LEKR1: variants seen among roughly 807,000 people sequenced by gnomAD.
LEKR1 encodes leucine, glutamate and lysine rich 1, also known as protein LEKR1.
LEKR1 carries 59 observed loss-of-function variants against 72.4 expected under a neutral mutation model. The observed-to-expected ratio is 0.82, with a 90% CI of 0.66 to 1.01. The LOEUF (loss-of-function observed/expected upper bound fraction) is 1.01. Among genes scored for constraint, LEKR1 ranks in the 50% least tolerant of loss-of-function variants. The probability of loss-of-function intolerance (pLI) is 0.00; values close to 1 mark genes in which losing one functional copy is unlikely to be tolerated. For synonymous variants in LEKR1, 257 were observed against 263.2 expected, an observed-to-expected ratio of 0.98 and a Z score of 0.23; for missense variants, 728 against 759.2, an observed-to-expected ratio of 0.96 and a Z score of 0.48.
intron 6 of LEKR1, among the ~76,000 whole-genome samples, chr3:156,972,308 A>C (rs1000833365): frequency 1.3e-5 from 2 of 151,030 alleles, no homozygotes; most frequent in African/African-American, 4.9e-5. Flanking sequence ...ACATGGACAC[A>C]GGAAGGGGAA....
chr3:156,948,207 AG>A (rs1284694570), intron 6 of LEKR1, among the ~76,000 whole-genome samples: 1 of 151,218 alleles, frequency 6.6e-6, no homozygotes, highest in Non-Finnish European at 1.5e-5. Flanking sequence ...AAGATGTAAT[AG>A]TTTTACTTAA....
chr3:157,018,191 T>G (rs938074307), intron 10 of LEKR1, among the ~76,000 whole-genome samples: 4 of 152,162 alleles, frequency 2.6e-5, no homozygotes, highest in African/African-American at 9.7e-5. Flanking sequence ...GTAAATTCAC[T>G]AGTTAGAGCC....
rs192551133 is a variant in LEKR1, at chr3:156,851,351, G to C, written c.49-1417G>C. 2.5e-3 allele frequency among the ~76,000 whole-genome samples: 385 copies of C among 152,274 alleles called. 3 individuals carry two copies. Among genetic ancestry groups the C allele is most frequent in the African/African-American group, 8.8e-3 (367 of 41,552 alleles). On this transcript the variant is annotated intron_variant, in intron 2 of 12. Coordinates refer to ENST00000356539, the MANE Select transcript of LEKR1 (RefSeq NM_001004316.3). ...GCACACTTCAGGGAGGCGGATTTGTGATGAGCCTAAGAAAGGATTTCCTGA... is the reference window on the plus strand; with the variant it reads ...GCACACTTCAGGGAGGCGGATTTGTCATGAGCCTAAGAAAGGATTTCCTGA...
intron 3 of LEKR1, among the ~76,000 whole-genome samples, chr3:156,874,006 A>C (rs1718275838): frequency 6.6e-6 from 1 of 152,058 alleles, no homozygotes; most frequent in Admixed American, 6.6e-5. Flanking sequence ...CTATTTGGAG[A>C]TCTTTGAGCC....
intron 10 of LEKR1, among the ~76,000 whole-genome samples, chr3:157,015,680 G>A (rs1399898545): frequency 1.3e-5 from 2 of 152,092 alleles, no homozygotes; most frequent in Admixed American, 1.3e-4. Flanking sequence ...GTGAAAAATT[G>A]CCATCCTTGG....
chr3:156,869,548 T>G (rs1209463550), intron 3 of LEKR1, among the ~76,000 whole-genome samples: 1 of 152,066 alleles, frequency 6.6e-6, no homozygotes, highest in African/African-American at 2.4e-5. Context: ...AATTGAATTA[T>G]TTGGTTTTTT....
At chr3:156,873,765 A>G (rs2321290) in intron 3 of LEKR1, among the ~76,000 whole-genome samples, 77,075 of 151,768 alleles carry the variant, frequency 0.51, 21,245 homozygotes, top group East Asian at 0.73. Flanking sequence ...ATTACTAGAT[A>G]CAGTATCCTT....
chr3:156,971,906 G>A (rs1477549405), intron 6 of LEKR1, among the ~76,000 whole-genome samples: 2 of 152,194 alleles, frequency 1.3e-5, no homozygotes, highest in African/African-American at 2.4e-5. Flanking sequence ...GTGTAAACTA[G>A]TTCAACCATT....
At chr3:156,966,820 A>G (rs1366519252) in intron 6 of LEKR1, among the ~76,000 whole-genome samples, 2 of 152,210 alleles carry the variant, frequency 1.3e-5, no homozygotes, top group Non-Finnish European at 2.9e-5. Flanking sequence ...GAGAATGGAC[A>G]GACTGCCTCC....
chr3:156,899,816 GTA>G (rs1408159288), intron 3 of LEKR1, among the ~76,000 whole-genome samples: 4 of 147,596 alleles, frequency 2.7e-5, no homozygotes, highest in Non-Finnish European at 4.5e-5. Flanking sequence ...ACATATGTAC[GTA>G]TATATGTATA....
chr3:156,896,719 T>G (rs1721223578), intron 3 of LEKR1, among the ~76,000 whole-genome samples: 1 of 152,218 alleles, frequency 6.6e-6, no homozygotes, highest in South Asian at 2.1e-4. Context: ...TATAAATCGT[T>G]CTACCATTTA....
chr3:156,997,473 A>G (rs943467116), intron 9 of LEKR1, among the ~76,000 whole-genome samples: 1 of 152,224 alleles, frequency 6.6e-6, no homozygotes, highest in Non-Finnish European at 1.5e-5. Flanking sequence ...ATAATACCCT[A>G]GGAGATTCTG....
chr3:156,891,684 G>A (rs1049237426), intron 3 of LEKR1, among the ~76,000 whole-genome samples: 9 of 151,990 alleles, frequency 5.9e-5, no homozygotes, highest in African/African-American at 2.2e-4. Flanking sequence ...CCATCCTTTG[G>A]CTAGGACAGG....
chr3:156,974,563 C>T (rs916362704), intron 6 of LEKR1, among the ~76,000 whole-genome samples: 3 of 152,056 alleles, frequency 2.0e-5, no homozygotes, highest in Non-Finnish European at 4.4e-5. Context: ...ATTGCTGTTT[C>T]AAACATTATC....
At chr3:157,029,498 A>G (rs1162060963) in intron 12 of LEKR1, among the ~76,000 whole-genome samples, 1 of 152,186 alleles carries the variant, frequency 6.6e-6, no homozygotes, top group African/African-American at 2.4e-5. Flanking sequence ...CTCTTTTGGG[A>G]AACCCAGTTC....
intron 3 of LEKR1, among the ~76,000 whole-genome samples, chr3:156,887,383 G>A (rs1172425985): frequency 1.3e-5 from 2 of 151,978 alleles, no homozygotes; most frequent in Non-Finnish European, 2.9e-5. Context: ...CTTGGAGCCT[G>A]GTAGGCAGAG....
At chr3:156,834,346 T>C (rs1408205846) in intron 2 of LEKR1, among the ~76,000 whole-genome samples, 1 of 152,200 alleles carries the variant, frequency 6.6e-6, no homozygotes, top group East Asian at 1.9e-4. Flanking sequence ...CTTTACAAGA[T>C]CAATGTATTA....
chr3:156,943,538 A>G (rs1396385074), intron 6 of LEKR1, among the ~76,000 whole-genome samples: 1 of 151,944 alleles, frequency 6.6e-6, no homozygotes, highest in African/African-American at 2.4e-5. Flanking sequence ...TTCCTAGTAA[A>G]TGGCAGAGAG....
intron 2 of LEKR1, 99 bp downstream of exon 2, chr3:156,829,476 G>A (rs528483179): frequency 6.8e-6 from 5 of 738,302 alleles, no homozygotes; most frequent in Middle Eastern, 2.4e-4. Context: ...TTGGTCATAG[G>A]ATCTGAATGA....
Sources: gnomAD v4.1 joint callset for allele counts (sites outside exome capture counted in the v4.1 genomes callset) on GRCh38, gnomAD v4.1.1 for gene constraint, MANE v1.5 for transcripts, NCBI Gene and HGNC (gene_info 2026-07-23, HGNC 2026-07-21) for gene names.